CNIH3: variants seen among roughly 807,000 people sequenced by gnomAD.
The protein encoded by CNIH3 is protein cornichon homolog 3.
Under a neutral mutation model 24.1 loss-of-function variants are expected in CNIH3, and 14 were observed. That is an observed-to-expected ratio of 0.58 (90% CI 0.38 to 0.91). The LOEUF (loss-of-function observed/expected upper bound fraction) is 0.91, where lower values mean the gene tolerates loss of function less well. CNIH3 is among the 40% of genes least tolerant of loss of function. CNIH3 has a pLI of 0.00. For missense variants in CNIH3, 178 were observed against 196.8 expected (o/e 0.90, Z 0.57); for synonymous variants, 68 against 73.8 (o/e 0.92, Z 0.40).
chr1:224,445,653 T>C (rs1675131582), intron 1 of CNIH3, among the ~76,000 whole-genome samples: 1 of 151,470 alleles, frequency 6.6e-6, no homozygotes, highest in African/African-American at 2.4e-5. Context: ...ATATTCTGGA[T>C]GTGAGTCCTT....
chr1:224,531,163 T>C (rs2124930925), intron 2 of CNIH3, among the ~76,000 whole-genome samples: 1 of 152,304 alleles, frequency 6.6e-6, no homozygotes, highest in African/African-American at 2.4e-5. Context: ...CCAGCTGTAG[T>C]CACATCAGTG....
chr1:224,668,371 A>G (rs546330235), intron 1 of CNIH3, among the ~76,000 whole-genome samples: 2 of 152,208 alleles, frequency 1.3e-5, no homozygotes, highest in Admixed American at 6.5e-5. Flanking sequence ...CCCAGAAGCT[A>G]TTGTGTTTTC....
intron 3 of CNIH3, among the ~76,000 whole-genome samples, chr1:224,693,360 A>T (rs1419380052): frequency 6.6e-6 from 1 of 152,238 alleles, no homozygotes; most frequent in African/African-American, 2.4e-5. Flanking sequence ...TATCCTTGTT[A>T]GTTCTCTATT....
intron 1 of CNIH3, among the ~76,000 whole-genome samples, chr1:224,620,537 A>G (rs920755767): frequency 2.0e-5 from 3 of 152,260 alleles, no homozygotes; most frequent in Middle Eastern, 6.3e-3. Context: ...GACTCAAGAC[A>G]TGCTATATAT....
At chr1:224,440,806 A>G (rs4653587) in intron 1 of CNIH3, among the ~76,000 whole-genome samples, 2 of 151,606 alleles carry the variant, frequency 1.3e-5, no homozygotes, top group Non-Finnish European at 2.9e-5. Flanking sequence ...TTACAGCTGT[A>G]TACAGTATTA....
chr1:224,494,418 G>A (rs953486633), intron 1 of CNIH3, among the ~76,000 whole-genome samples: 1 of 152,150 alleles, frequency 6.6e-6, no homozygotes, highest in African/African-American at 2.4e-5. Flanking sequence ...GCAGAAACCA[G>A]TGCTACATCT....
At chr1:224,534,192 T>C (rs1333889399) in intron 2 of CNIH3, among the ~76,000 whole-genome samples, 1 of 152,098 alleles carries the variant, frequency 6.6e-6, no homozygotes, top group East Asian at 1.9e-4. Context: ...AAAAAACCCT[T>C]GAACATATCT....
At chr1:224,659,095 C>T (rs1012592579) in intron 1 of CNIH3, among the ~76,000 whole-genome samples, 30 of 152,170 alleles carry the variant, frequency 2.0e-4, no homozygotes, top group Non-Finnish European at 3.7e-4. Context: ...ATCTCACATG[C>T]CCACCTCTTC....
At chr1:224,535,590 G>T (rs573525415) in intron 2 of CNIH3, among the ~76,000 whole-genome samples, 1 of 152,312 alleles carries the variant, frequency 6.6e-6, no homozygotes, top group South Asian at 2.1e-4. Flanking sequence ...GCGGCTGATG[G>T]CATAACAGGG....
chr1:224,525,058 A>G (rs1262724081), intron 2 of CNIH3, among the ~76,000 whole-genome samples: 1 of 152,202 alleles, frequency 6.6e-6, no homozygotes, highest in Non-Finnish European at 1.5e-5. Context: ...CAAAGCAGGA[A>G]AAAAAGAGAG....
downstream of CNIH3, among the ~76,000 whole-genome samples, chr1:224,590,029 G>A (rs570144886): frequency 4.6e-5 from 7 of 152,114 alleles, no homozygotes; most frequent in South Asian, 4.2e-4. Flanking sequence ...GGCATGAGCC[G>A]CCAGGCCTGG....
At chr1:224,502,386 G>A (rs1017367644) in intron 1 of CNIH3, among the ~76,000 whole-genome samples, 4 of 152,326 alleles carry the variant, frequency 2.6e-5, no homozygotes, top group African/African-American at 9.6e-5. Context: ...AGCCTTTGGA[G>A]CCGAAAGCCC....
rs980527385 is a variant in CNIH3 at position 224,642,875 on chromosome 1, G to T, written c.81+25620G>T. Among the ~76,000 whole-genome samples the T allele has an allele frequency of 2.6e-5, 4 of 152,350 alleles. No homozygotes were observed. The East Asian group carries it at 7.7e-4, about 29-fold the overall frequency. ...TATGAAGTAAGATGCGAGAGAGCTA[G>T]GCAGGGGGAACAGTTGGGACACTGT... On this transcript the variant is annotated intron_variant, in intron 1 of 5. Transcript: ENST00000272133.
chr1:224,630,609 G>C (rs1327951057), intron 1 of CNIH3, among the ~76,000 whole-genome samples: 1 of 152,162 alleles, frequency 6.6e-6, no homozygotes, highest in Non-Finnish European at 1.5e-5. Context: ...CTTCCTCCTG[G>C]GGTAAGGGTG....
rs554922500 is a variant in CNIH3 at position 224,473,556 on chromosome 1, G to A, written n.203+38694G>A. On this transcript the variant is annotated intron_variant and non_coding_transcript_variant, in intron 1 of 5. Coordinates refer to the CNIH3 transcript ENST00000471578. ...CAAAAACTATAAAAAGCGACAAAAA[G>A]GTCATTATATAATGATAAAGAGGTC... Among the ~76,000 whole-genome samples, 95 of 152,148 alleles carry A rather than the reference G, an allele frequency of 6.2e-4. No individual in the cohort carries two copies. The Middle Eastern group carries it at 0.01, about 16-fold the overall frequency.
downstream of CNIH3, among the ~76,000 whole-genome samples, chr1:224,589,677 A>G (rs1558188874): frequency 6.6e-6 from 1 of 152,196 alleles, no homozygotes; most frequent in Non-Finnish European, 1.5e-5. Context: ...AGCCCCAGGG[A>G]AAGGACTTCT....
At chr1:224,538,830 ATTTTTTTTT>A (rs71574506), downstream of CNIH3, among the ~76,000 whole-genome samples, 1 of 124,182 alleles carries the variant, frequency 8.1e-6, no homozygotes, top group Admixed American at 8.0e-5. Context: ...AGCTAATTAC[ATTTTTTTTT>A]TTTTTTTTTT....
intron 1 of CNIH3, among the ~76,000 whole-genome samples, chr1:224,437,205 G>A (rs1385574266): frequency 1.3e-5 from 2 of 152,016 alleles, no homozygotes; most frequent in African/African-American, 4.8e-5. Context: ...GACTAAGATG[G>A]GTTTAGGAAC....
Position 224,739,555 on chromosome 1 carries a change from T to C in CNIH3, c.*199T>C. Reference sequence around the variant, plus strand: ...ACCCTGCGTGTCTGTGTCACCCTGTTTGTCAATCTTTGGCATTCGAATTCC... The same window carrying C: ...ACCCTGCGTGTCTGTGTCACCCTGTCTGTCAATCTTTGGCATTCGAATTCC... On this transcript the variant is annotated 3_prime_UTR_variant, in exon 6 of 6. Coordinates refer to ENST00000272133, the MANE Select transcript of CNIH3 (RefSeq NM_152495.2). 2 of 962,356 alleles carry C rather than the reference T, an allele frequency of 2.1e-6. No individual in the cohort carries two copies. The highest frequency in any genetic ancestry group is 1.8e-5 in the South Asian group (1 of 55,454). The allele number at this position is 962,356 out of a possible 1,614,324, so 59.6% of individuals were successfully genotyped here. A position where few individuals can be genotyped will look rare whatever the true frequency, so the allele number is the denominator to read the frequency against.
Sources: allele counts gnomAD v4.1 joint callset (sites outside exome capture counted in the v4.1 genomes callset), GRCh38; gene constraint gnomAD v4.1.1; transcripts MANE v1.5; gene names NCBI Gene and HGNC (gene_info 2026-07-23, HGNC 2026-07-21).